ZNF682: variants seen among roughly 807,000 people sequenced by gnomAD.
ZNF682 encodes the protein zinc finger protein 682.
ZNF682 carries 29 observed loss-of-function variants against 36.5 expected under a neutral mutation model. The observed-to-expected ratio is 0.80, with a 90% CI of 0.59 to 1.08. The LOEUF (loss-of-function observed/expected upper bound fraction) is 1.08. Among genes scored for constraint, ZNF682 ranks in the 50% least tolerant of loss-of-function variants. The pLI, the probability that ZNF682 is intolerant of heterozygous loss-of-function variation, is 0.00. For missense variants in ZNF682, 561 were observed against 579.7 expected, an observed-to-expected ratio of 0.97 and a Z score of 0.33; for synonymous variants, 180 against 197.0, an observed-to-expected ratio of 0.91 and a Z score of 0.72.
At chr19:20,018,167 C>T (rs1485727026) in intron 3 of ZNF682, among the ~76,000 whole-genome samples, 1 of 133,954 alleles carries the variant, frequency 7.5e-6, no homozygotes, top group African/African-American at 2.8e-5. Flanking sequence ...GATCTCGGCT[C>T]ACTGCAAGCT....
rs138200065 is a variant in ZNF682, at chr19:20,014,863, C to T, written c.227-7588G>A. On this transcript the variant is annotated intron_variant, in intron 3 of 3. Transcript: ENST00000397165. ...CATGATGCTAAGTAAAATAAGCCAG[C>T]CATAAAAAGACAGGATTGTATAAAT... Among the ~76,000 whole-genome samples the T allele has an allele frequency of 6.0e-3, 910 of 151,054 alleles. 9 individuals carry two copies. Among genetic ancestry groups the T allele is most frequent in the African/African-American group, 0.021 (851 of 41,242 alleles).
Position 20,006,234 on chromosome 19 carries a change from TTC to T in ZNF682, c.1266_1267del (p.Lys423ThrfsTer5). Reference sequence around the variant, plus strand: ...TCCACATTCTTCACAGTTGTAGGGTTTCTCTCCAGTATGAATTCTCTTATGTT... The same window carrying T: ...TCCACATTCTTCACAGTTGTAGGGTTTCTCCAGTATGAATTCTCTTATGTT... On this transcript the variant is annotated frameshift_variant, in exon 4 of 4. Transcript: ENST00000397165. LOFTEE classifies it high-confidence loss of function. The T allele has an allele frequency of 6.2e-7, 1 of 1,613,958 alleles. No homozygotes were observed. Among genetic ancestry groups the T allele is most frequent in the African/African-American group, 1.3e-5 (1 of 75,070 alleles).
At position 20,024,352 on chromosome 19, in the gene ZNF682, T is replaced by G; in HGVS notation, c.28A>C (p.Thr10Pro). The part of the protein sequence containing the change: MELLTFRDV[T>P]IEFSLEEWEF... ...CACTCCTCCAGAGAGAATTCTATGG[T>G]CACATCCCTGAATGTCAACAGTTCC... is the stretch of plus-strand genomic sequence containing the variant. Residue 10 changes from threonine to proline, a missense_variant, in exon 2 of 4, where the codon ACC (threonine) becomes CCC (proline). By Grantham distance (38) the Thr-to-Pro change is conservative (BLOSUM62 -1). Transcript: ENST00000397165. The G allele has an allele frequency of 6.2e-7, 1 of 1,612,594 alleles. No homozygotes were observed.
chr19:20,028,358 C>T (rs774104671), intron 1 of ZNF682, among the ~76,000 whole-genome samples: 11 of 152,070 alleles, frequency 7.2e-5, no homozygotes, highest in Non-Finnish European at 1.2e-4. Flanking sequence ...CAGTCACATG[C>T]CACCATGCCC....
At chr19:20,026,369 A>G (rs550429950) in intron 1 of ZNF682, among the ~76,000 whole-genome samples, 1 of 152,196 alleles carries the variant, frequency 6.6e-6, no homozygotes, top group South Asian at 2.1e-4. Flanking sequence ...AACAATACAC[A>G]TTCCCCTCTT....
At chr19:20,033,098 T>A (rs756378929) in intron 1 of ZNF682, among the ~76,000 whole-genome samples, 1 of 152,114 alleles carries the variant, frequency 6.6e-6, no homozygotes, top group Non-Finnish European at 1.5e-5. Context: ...AAACCCCGCC[T>A]TTACTAAAAA....
At chr19:20,025,825 G>T (rs1404820890) in intron 1 of ZNF682, among the ~76,000 whole-genome samples, 2 of 152,040 alleles carry the variant, frequency 1.3e-5, no homozygotes, top group Non-Finnish European at 2.9e-5. Flanking sequence ...TAAGCATAAA[G>T]AAACATCTTT....
chr19:20,035,716 T>TCA (rs59151231), intron 1 of ZNF682, among the ~76,000 whole-genome samples: 118,997 of 151,682 alleles, frequency 0.78, 46,816 homozygotes, highest in Middle Eastern at 0.88. Context: ...GCTGTTATAT[T>TCA]CACTATTGTA....
chr19:20,002,758 A>C (rs929846812), downstream of ZNF682, among the ~76,000 whole-genome samples: 18 of 152,280 alleles, frequency 1.2e-4, no homozygotes, highest in African/African-American at 4.1e-4. Flanking sequence ...TGACTAAACA[A>C]CACCATGTCT....
chr19:20,018,341 G>T lies in ZNF682; in HGVS notation c.226+4663C>A, dbSNP rs186121057. 7.9e-3 allele frequency among the ~76,000 whole-genome samples: 1,204 copies of T among 151,918 alleles called. 7 individuals carry two copies. The highest frequency in any genetic ancestry group is 0.017 in the Middle Eastern group (5 of 294). On this transcript the variant is annotated intron_variant, in intron 3 of 3. Transcript: ENST00000397165. ...GATCTCCTGACCTCGTGATCCGCCCGCCTCGGCCTCCCAAAGTGCTGGGAT... is the reference window on the plus strand; with the variant it reads ...GATCTCCTGACCTCGTGATCCGCCCTCCTCGGCCTCCCAAAGTGCTGGGAT...
chr19:20,026,312 A>C (rs1313415584), intron 1 of ZNF682, among the ~76,000 whole-genome samples: 2 of 151,462 alleles, frequency 1.3e-5, no homozygotes, highest in East Asian at 1.9e-4. Context: ...CAAAAAAAAA[A>C]CATCCTGTTT....
chr19:20,030,327 T>C (rs926226561), intron 1 of ZNF682, among the ~76,000 whole-genome samples: 1 of 152,184 alleles, frequency 6.6e-6, no homozygotes, highest in African/African-American at 2.4e-5. Context: ...CCCAGTACTT[T>C]GGAAGACCGA....
chr19:20,012,896 T>G (rs1041766194), intron 3 of ZNF682, among the ~76,000 whole-genome samples: 1 of 147,232 alleles, frequency 6.8e-6, no homozygotes, highest in African/African-American at 2.5e-5. Context: ...AAAAATGAGA[T>G]AAAAAGGGAG....
intron 1 of ZNF682, among the ~76,000 whole-genome samples, chr19:20,038,827 AT>A (rs1417442061): frequency 1.3e-5 from 2 of 152,230 alleles, no homozygotes; most frequent in Non-Finnish European, 2.9e-5. Context: ...CCTGCACTTT[AT>A]AAAAAACTTT....
intron 1 of ZNF682, among the ~76,000 whole-genome samples, chr19:20,038,050 G>A (rs796576236): frequency 6.6e-6 from 1 of 152,178 alleles, no homozygotes; most frequent in African/African-American, 2.4e-5. Flanking sequence ...GTCATCCCCA[G>A]ACAGTTCTGA....
chr19:20,000,489 C>T (rs2088159892), downstream of ZNF682, among the ~76,000 whole-genome samples: 1 of 152,176 alleles, frequency 6.6e-6, no homozygotes, highest in Admixed American at 6.5e-5. Flanking sequence ...ATCTAGACAG[C>T]CCCACACCAC....
chr19:20,025,886 T>A (rs1220234123), intron 1 of ZNF682, among the ~76,000 whole-genome samples: 1 of 152,176 alleles, frequency 6.6e-6, no homozygotes, highest in African/African-American at 2.4e-5. Flanking sequence ...CCTCTAATAA[T>A]GTATTTAAGT....
chr19:20,016,225 G>A (rs1263233173), intron 3 of ZNF682, among the ~76,000 whole-genome samples: 1 of 152,100 alleles, frequency 6.6e-6, no homozygotes, highest in African/African-American at 2.4e-5. Context: ...TCAGTCTATA[G>A]AGCCAGTCTA....
At chr19:20,028,034 C>T (rs2088447277) in intron 1 of ZNF682, among the ~76,000 whole-genome samples, 1 of 152,172 alleles carries the variant, frequency 6.6e-6, no homozygotes, top group Non-Finnish European at 1.5e-5. Context: ...TGGATGCTTC[C>T]ACCCAGGCCA....
Sources: gnomAD v4.1 joint callset for allele counts (sites outside exome capture counted in the v4.1 genomes callset) on GRCh38, gnomAD v4.1.1 for gene constraint, MANE v1.5 for transcripts, NCBI Gene and HGNC (gene_info 2026-07-23, HGNC 2026-07-21) for gene names.